OR56A3: variants seen among roughly 807,000 people sequenced by gnomAD.
The protein encoded by OR56A3 is olfactory receptor 56A3.
In OR56A3, 23 loss-of-function variants were observed where a neutral mutation model predicts 17.5. The observed-to-expected ratio is 1.32, with a 90% CI of 0.95 to 1.87. The LOEUF (loss-of-function observed/expected upper bound fraction) is 1.87, where lower values mean the gene tolerates loss of function less well. Among genes scored for constraint, OR56A3 ranks in the 40% most tolerant of loss-of-function variants. The pLI is 0.00. For missense variants in OR56A3, 366 were observed against 380.1 expected (o/e 0.96, Z 0.31); for synonymous variants, 175 against 150.6 (o/e 1.16, Z -1.19).
At chr11:5,964,259 G>C in the OR56A3 span, among the ~76,000 whole-genome samples, 2 of 152,072 alleles carry the variant, frequency 1.3e-5, no homozygotes, top group Non-Finnish European at 2.9e-5. Flanking sequence ...TTGTCCATTT[G>C]GTGATGTCAT....
chr11:5,949,351 T>C lies in OR56A3; in HGVS notation c.*1057T>C, dbSNP rs1482175942. On this transcript the variant is annotated 3_prime_UTR_variant, in exon 3 of 3. Transcript: ENST00000641160. ...TAAAAGATATGTATGGGCAGTAAGA[T>C]ACTTGGTCCTGTAAGGAAACATTAG... 12 of 152,166 alleles carry C rather than the reference T, an allele frequency of 7.9e-5. No homozygotes were observed. Among genetic ancestry groups the C allele is most frequent in the Admixed American group, 6.5e-4 (10 of 15,276 alleles). The allele number at this position is 152,166 out of a possible 1,614,324, so 9.4% of individuals were successfully genotyped here.
At chr11:5,960,646 A>T in the OR56A3 span, among the ~76,000 whole-genome samples, 1 of 152,054 alleles carries the variant, frequency 6.6e-6, no homozygotes, top group East Asian at 1.9e-4. Flanking sequence ...TGGCCTCCCA[A>T]AGTGCTGAGA....
At chr11:5,981,487 G>A in the OR56A3 span, among the ~76,000 whole-genome samples, 1 of 152,292 alleles carries the variant, frequency 6.6e-6, no homozygotes, top group East Asian at 1.9e-4. Context: ...CAAAATTCCT[G>A]TAGTGAATTT....
chr11:6,002,322 A>G, the OR56A3 span: 1 of 1,614,202 alleles, frequency 6.2e-7, no homozygotes, highest in African/African-American at 1.3e-5. Context: ...AACTTTCAAT[A>G]TAAAAGAATA....
the OR56A3 span, among the ~76,000 whole-genome samples, chr11:6,016,820 T>TA: frequency 0.67 from 95,505 of 143,590 alleles, 31,818 homozygotes; most frequent in East Asian, 0.93. Context: ...GAGATATCAT[T>TA]AAAAAAAAAA....
chr11:6,002,760 A>G, the OR56A3 span: 2 of 1,614,092 alleles, frequency 1.2e-6, no homozygotes, highest in Admixed American at 3.3e-5. Context: ...GATGACGGTG[A>G]GGCAGAGCAC....
chr11:6,017,997 G>C, the OR56A3 span, among the ~76,000 whole-genome samples: 1 of 150,824 alleles, frequency 6.6e-6, no homozygotes, highest in Non-Finnish European at 1.5e-5. Context: ...ATGACAAAGG[G>C]ATCAATTCAG....
the OR56A3 span, among the ~76,000 whole-genome samples, chr11:6,004,279 G>C: frequency 6.6e-6 from 1 of 152,034 alleles, no homozygotes; most frequent in Admixed American, 6.6e-5. Flanking sequence ...AACCAGACCT[G>C]GGGGGCGGAG....
Position 5,947,508 on chromosome 11 carries a change from G to T in OR56A3, c.162G>T (p.Trp54Cys). 6.2e-7 allele frequency: 1 copy of T among 1,613,916 alleles called. No homozygotes were observed. Among genetic ancestry groups the T allele is most frequent in the South Asian group, 1.1e-5 (1 of 91,062 alleles). ...ACACCACCCTCCTGATGACCATCTG[G>T]CTGGAGGCCTCTCTGCACCAGCCCC... Reference protein sequence around the residue: ...GANTTLLMTIWLEASLHQPLY... With the variant: ...GANTTLLMTICLEASLHQPLY... Residue 54 changes from tryptophan (W) to cysteine (C), a missense_variant, in exon 3 of 3, where the codon TGG becomes TGT. Coordinates refer to ENST00000641160, the MANE Select transcript of OR56A3 (RefSeq NM_001003443.3).
At chr11:6,002,533 G>A in the OR56A3 span, 198 of 1,614,154 alleles carry the variant, frequency 1.2e-4, no homozygotes, top group African/African-American at 1.8e-3. Context: ...AAGGCATTCC[G>A]GGCTATAACA....
At chr11:5,957,968 C>T in the OR56A3 span, among the ~76,000 whole-genome samples, 2 of 152,002 alleles carry the variant, frequency 1.3e-5, no homozygotes, top group Admixed American at 6.6e-5. Context: ...ATGTGGACAA[C>T]CTTCTAAGTA....
At chr11:6,014,717 A>C in the OR56A3 span, among the ~76,000 whole-genome samples, 6 of 152,150 alleles carry the variant, frequency 3.9e-5, no homozygotes, top group African/African-American at 1.4e-4. Flanking sequence ...GGACCTTCCT[A>C]GAGATTTGTT....
chr11:6,001,569 A>T, the OR56A3 span: 2 of 153,992 alleles, frequency 1.3e-5, no homozygotes, highest in Non-Finnish European at 2.9e-5. Context: ...CTCAACCCCA[A>T]GTTGTTCCAG....
downstream of OR56A3, among the ~76,000 whole-genome samples, chr11:5,953,937 G>A (rs547464912): frequency 7.2e-5 from 11 of 152,150 alleles, no homozygotes; most frequent in Non-Finnish European, 1.3e-4. Flanking sequence ...ACTTTCTTCT[G>A]TAATAAGCAC....
rs1019710726 is a variant in OR56A3, at chr11:5,951,262, C to A, written c.*2968C>A. On this transcript the variant is annotated 3_prime_UTR_variant, in exon 3 of 3. Coordinates refer to ENST00000641160, the MANE Select transcript of OR56A3 (RefSeq NM_001003443.3). The stretch of plus-strand genomic sequence containing the variant: ...TAAGGAATATTAGCATTAGAGTAAT[C>A]GACAGACATTAATACGTTAAAGGTT... 4 of 151,896 alleles carry A rather than the reference C, an allele frequency of 2.6e-5. No homozygotes were observed. Among genetic ancestry groups the A allele is most frequent in the African/African-American group, 9.7e-5 (4 of 41,348 alleles). The allele number at this position is 151,896 out of a possible 1,614,324, so 9.4% of individuals were successfully genotyped here. A position where few individuals can be genotyped will look rare whatever the true frequency, so the allele number is the denominator to read the frequency against.
At chr11:5,991,248 C>G in the OR56A3 span, among the ~76,000 whole-genome samples, 1 of 152,204 alleles carries the variant, frequency 6.6e-6, no homozygotes, top group South Asian at 2.1e-4. Context: ...CACCTAGGAC[C>G]ATGCCAAATG....
chr11:6,009,198 C>T, the OR56A3 span, among the ~76,000 whole-genome samples: 1 of 152,136 alleles, frequency 6.6e-6, no homozygotes, highest in Non-Finnish European at 1.5e-5. Flanking sequence ...TACCAAGATC[C>T]CATCAGACTC....
At chr11:5,980,083 T>C in the OR56A3 span, among the ~76,000 whole-genome samples, 1 of 152,108 alleles carries the variant, frequency 6.6e-6, no homozygotes, top group Non-Finnish European at 1.5e-5. Flanking sequence ...GTTTAATTTA[T>C]TGAGAATTGG....
At chr11:5,997,750 A>C in the OR56A3 span, among the ~76,000 whole-genome samples, 1 of 152,210 alleles carries the variant, frequency 6.6e-6, no homozygotes, top group Non-Finnish European at 1.5e-5. Flanking sequence ...ACTCTTAGGA[A>C]AATTATGTTT....
Sources: allele counts gnomAD v4.1 joint callset (sites outside exome capture counted in the v4.1 genomes callset), GRCh38; gene constraint gnomAD v4.1.1; transcripts MANE v1.5; gene names NCBI Gene and HGNC (gene_info 2026-07-23, HGNC 2026-07-21).